Variants in SLC9C1 observed in about 807,000 individuals in gnomAD.
SLC9C1 encodes the protein sodium/hydrogen exchanger 10.
SLC9C1 carries 97 observed loss-of-function variants against 140.9 expected under a neutral mutation model. The observed-to-expected ratio is 0.69, with a 90% CI of 0.58 to 0.82. The LOEUF (loss-of-function observed/expected upper bound fraction) is 0.82. Among genes scored for constraint, SLC9C1 ranks in the 40% least tolerant of loss-of-function variants. The pLI is 0.00. For synonymous variants in SLC9C1, 440 were observed against 442.6 expected, an observed-to-expected ratio of 0.99 and a Z score of 0.07; for missense variants, 1,340 against 1,389.3, an observed-to-expected ratio of 0.96 and a Z score of 0.56.
chr3:112,174,746 A>T (rs1331746516), intron 23 of SLC9C1, among the ~76,000 whole-genome samples: 1 of 152,124 alleles, frequency 6.6e-6, no homozygotes, highest in South Asian at 2.1e-4. Context: ...AGCCACTGCA[A>T]CTGTAGTAGC....
chr3:112,264,262 CAA>C lies in SLC9C1; in HGVS notation c.958_959del (p.Leu320ValfsTer6). 7.1e-7 allele frequency: 1 copy of C among 1,415,120 alleles called. No individual in the cohort carries two copies. The highest frequency in any genetic ancestry group is 9.4e-7 in the Non-Finnish European group (1 of 1,065,172). 87.7% of individuals were successfully genotyped at this position (1,415,120 alleles called of 1,614,324 possible). A position where few individuals can be genotyped will look rare whatever the true frequency, so the allele number is the denominator to read the frequency against. ...FGLLIPAHTY[L>X]YIEFVDIYYS... is the part of the protein sequence containing the mutation. Reference sequence around the variant, plus strand: ...AGTATATATCAACAAATTCTATATACAAATATGTATGTGCAGGAATTAGAAGT... The same window carrying C: ...AGTATATATCAACAAATTCTATATACATATGTATGTGCAGGAATTAGAAGT... On this transcript the variant is annotated frameshift_variant, in exon 9 of 29. Coordinates refer to ENST00000305815, the MANE Select transcript of SLC9C1 (RefSeq NM_183061.3). LOFTEE classifies it high-confidence loss of function.
intron 20 of SLC9C1, among the ~76,000 whole-genome samples, chr3:112,196,811 C>T (rs2077778059): frequency 6.6e-6 from 1 of 152,014 alleles, no homozygotes; most frequent in Admixed American, 6.6e-5. Flanking sequence ...CTCACATCTT[C>T]CTTGAGTTCT....
chr3:112,223,054 A>T (rs1473162775), intron 13 of SLC9C1, among the ~76,000 whole-genome samples: 1 of 152,192 alleles, frequency 6.6e-6, no homozygotes, highest in Non-Finnish European at 1.5e-5. Flanking sequence ...GTTGGAAATA[A>T]TCAGTGAAAA....
chr3:112,175,951 C>T (rs1280801288), intron 23 of SLC9C1, among the ~76,000 whole-genome samples: 2 of 152,162 alleles, frequency 1.3e-5, no homozygotes, highest in African/African-American at 4.8e-5. Flanking sequence ...CACGGTCCTG[C>T]AGACCATCAT....
intron 17 of SLC9C1, 75 bp downstream of exon 17, chr3:112,204,143 G>T (rs1283661657): frequency 7.5e-7 from 1 of 1,327,306 alleles, no homozygotes; most frequent in Non-Finnish European, 9.7e-7. Context: ...CATAAAACTA[G>T]TAAACTAATT....
In SLC9C1 at chr3:112,217,455, CT is replaced by C; in HGVS notation, c.1776del (p.Glu593ArgfsTer15). 1.9e-6 allele frequency: 3 copies of C among 1,590,824 alleles called. No individual in the cohort carries two copies. The highest frequency in any genetic ancestry group is 1.9e-5 in the Admixed American group (1 of 53,606). ...AAAAGCACTTACTTTGATGGGCCCT[CT>C]TTTTCCTTTCTGGTATTATACACCC... is the stretch of plus-strand genomic sequence containing the variant. Reference protein sequence around the residue: ...LNWVYNTRKEKEGPSKYFFFR... With the variant: ...LNWVYNTRKEXEGPSKYFFFR... On this transcript the variant is annotated frameshift_variant, in exon 15 of 29. Transcript: ENST00000305815. LOFTEE classifies it high-confidence loss of function.
chr3:112,225,820 G>A (rs1335668051), intron 13 of SLC9C1, among the ~76,000 whole-genome samples: 2 of 152,080 alleles, frequency 1.3e-5, no homozygotes, highest in African/African-American at 2.4e-5. Context: ...GTAAAACACT[G>A]TAAGAGAAAC....
chr3:112,169,869 T>G (rs915957740), intron 23 of SLC9C1, among the ~76,000 whole-genome samples: 10 of 152,174 alleles, frequency 6.6e-5, no homozygotes, highest in Non-Finnish European at 1.3e-4. Context: ...GCATAGGATG[T>G]TTTTCATTTG....
At chr3:112,216,453 C>G (rs2078372387) in intron 15 of SLC9C1, among the ~76,000 whole-genome samples, 1 of 151,882 alleles carries the variant, frequency 6.6e-6, no homozygotes, top group Non-Finnish European at 1.5e-5. Flanking sequence ...TTGCAATATA[C>G]CCATCTGACA....
intron 18 of SLC9C1, 70 bp downstream of exon 18, chr3:112,202,180 G>T (rs1002743154): frequency 1.3e-6 from 2 of 1,557,412 alleles, no homozygotes; most frequent in African/African-American, 2.8e-5. Context: ...TATATGAACA[G>T]AAAAAAATGA....
chr3:112,171,630 A>G (rs1018310339), intron 23 of SLC9C1, among the ~76,000 whole-genome samples: 1 of 152,194 alleles, frequency 6.6e-6, no homozygotes, highest in Admixed American at 6.5e-5. Context: ...AATTTTGGTG[A>G]CATCCAATTT....
intron 20 of SLC9C1, among the ~76,000 whole-genome samples, chr3:112,190,956 CACACACACATAT>C (rs2077647572): frequency 6.8e-6 from 1 of 146,448 alleles, no homozygotes; most frequent in African/African-American, 2.5e-5. Flanking sequence ...CACACACACA[CACACACACATAT>C]ATATATATGG....
chr3:112,225,767 G>T (rs1223399485), intron 13 of SLC9C1, among the ~76,000 whole-genome samples: 1 of 151,538 alleles, frequency 6.6e-6, no homozygotes, highest in Non-Finnish European at 1.5e-5. Context: ...ATGATCAGGA[G>T]TAGTTATATA....
At chr3:112,292,847 G>A (rs1187250041) in intron 1 of SLC9C1, among the ~76,000 whole-genome samples, 3 of 150,934 alleles carry the variant, frequency 2.0e-5, no homozygotes, top group African/African-American at 7.3e-5. Context: ...CCGGCCACAG[G>A]TTTTCAATAT....
intron 1 of SLC9C1, among the ~76,000 whole-genome samples, chr3:112,292,679 G>A (rs2080719205): frequency 6.6e-6 from 1 of 152,008 alleles, no homozygotes; most frequent in South Asian, 2.1e-4. Context: ...GAGTAGCTGG[G>A]ACTACAGGCG....
Position 112,230,605 on chromosome 3 carries a change from A to T in SLC9C1, c.1572+756T>A, listed in dbSNP as rs144656394. ...TGCTAAGACTACTGTTGAAGAGAGA[A>T]CAATCATACCCTACAGATCTCCCAC... On this transcript the variant is annotated intron_variant, in intron 13 of 28. Transcript: ENST00000305815. 1.1e-4 allele frequency among the ~76,000 whole-genome samples: 16 copies of T among 152,238 alleles called. No individual in the cohort carries two copies. In the East Asian group the frequency reaches 3.1e-3, roughly 29 times the overall value.
intron 1 of SLC9C1, among the ~76,000 whole-genome samples, chr3:112,289,595 G>A (rs1293323792): frequency 6.6e-6 from 1 of 152,168 alleles, no homozygotes; most frequent in African/African-American, 2.4e-5. Context: ...TTGATGTTCT[G>A]TGGGATCATT....
chr3:112,197,108 G>T (rs200395293), intron 20 of SLC9C1, among the ~76,000 whole-genome samples: 1 of 152,116 alleles, frequency 6.6e-6, no homozygotes, highest in East Asian at 1.9e-4. Flanking sequence ...TAAGCTTAAG[G>T]CATTGTCAGG....
chr3:112,235,077 A>G (rs981297809), intron 12 of SLC9C1, among the ~76,000 whole-genome samples: 21 of 148,942 alleles, frequency 1.4e-4, no homozygotes, highest in Admixed American at 4.1e-4. Context: ...CAGTATGGCC[A>G]TTTTCACGAT....
Sources: gnomAD v4.1 joint callset for allele counts (sites outside exome capture counted in the v4.1 genomes callset) on GRCh38, gnomAD v4.1.1 for gene constraint, MANE v1.5 for transcripts, NCBI Gene and HGNC (gene_info 2026-07-23, HGNC 2026-07-21) for gene names.